ARID3A: variants seen among roughly 807,000 people sequenced by gnomAD.
The protein encoded by ARID3A is AT-rich interaction domain 3A, also known as AT-rich interactive domain-containing protein 3A.
Under a neutral mutation model 52.7 loss-of-function variants are expected in ARID3A, and 11 were observed. The observed-to-expected ratio is 0.21, with a 90% confidence interval of 0.13 to 0.35. The LOEUF is 0.35. Among genes scored for constraint, ARID3A ranks in the 10% least tolerant of loss-of-function variants. The probability of loss-of-function intolerance (pLI) is 1.00; values close to 1 mark genes in which losing one functional copy is unlikely to be tolerated. For missense variants in ARID3A, 721 were observed against 838.5 expected (o/e 0.86, Z 1.73); for synonymous variants, 404 against 359.4 (o/e 1.12, Z -1.40).
At chr19:932,348 A>C (rs2037349012) in intron 2 of ARID3A, 70 bp from the exon 3 acceptor site, 3 of 1,559,910 alleles carry the variant, frequency 1.9e-6, no homozygotes, top group African/African-American at 2.9e-5. Context: ...CTGGGCGGGG[A>C]GTGGGTCTTT....
intron 3 of ARID3A, among the ~76,000 whole-genome samples, chr19:953,914 A>C (rs1018823054): frequency 1.3e-5 from 2 of 152,206 alleles, no homozygotes; most frequent in Non-Finnish European, 2.9e-5. Flanking sequence ...TCTCTATAGA[A>C]ATACAAAAAT....
In ARID3A at chr19:942,452, C is replaced by CG. The variant is rs2037576794; in HGVS notation, c.693+9716dup. 6.6e-6 allele frequency among the ~76,000 whole-genome samples: 1 copy of CG among 152,104 alleles called. No individual in the cohort carries two copies. Among genetic ancestry groups the CG allele is most frequent in the Non-Finnish European group, 1.5e-5 (1 of 67,996 alleles). Reference sequence around the variant, plus strand: ...CGGTGCCGACCTGGTGGGTGGCACACGGGGGGCGGGTGCGGACCGCCTCTT... The same window carrying CG: ...CGGTGCCGACCTGGTGGGTGGCACACGGGGGGGCGGGTGCGGACCGCCTCTT... On this transcript the variant is annotated intron_variant, in intron 3 of 8. Transcript: ENST00000263620. This position sits in a 1 kb window ranked among gnomAD's most constrained non-coding sequence, Gnocchi z 8.1.
chr19:962,984 C>T (rs901987321), intron 4 of ARID3A, among the ~76,000 whole-genome samples: 12 of 152,170 alleles, frequency 7.9e-5, no homozygotes, highest in Admixed American at 6.5e-4. Context: ...GTCTGAGGCC[C>T]GTCTTCCTCC....
At chr19:948,040 C>T (rs1310376545) in intron 3 of ARID3A, among the ~76,000 whole-genome samples, 1 of 152,156 alleles carries the variant, frequency 6.6e-6, no homozygotes, top group African/African-American at 2.4e-5. Context: ...TGAGGTCACA[C>T]AGCAGACGCT....
At position 966,918 on chromosome 19, in the gene ARID3A, G is replaced by A. The variant is rs773749032; in HGVS notation, c.1495+50G>A. On this transcript the variant is annotated intron_variant, in intron 7 of 8. Transcript: ENST00000263620. ...CTGTGCTTCCTGCGTGTGTCACACA[G>A]TGAGGGCCTTGGAGCCTACATATGT... 11 of 1,545,502 alleles carry A rather than the reference G, an allele frequency of 7.1e-6. No homozygotes were observed. In the East Asian group the frequency reaches 1.1e-4, roughly 16 times the overall value.
At chr19:930,927 C>T (rs2037314514) in intron 2 of ARID3A, among the ~76,000 whole-genome samples, 1 of 152,312 alleles carries the variant, frequency 6.6e-6, no homozygotes, top group South Asian at 2.1e-4. Context: ...GTGGGTCCCC[C>T]CAGGGCTGGC....
intron 3 of ARID3A, among the ~76,000 whole-genome samples, chr19:954,855 G>T (rs919939101): frequency 7.2e-5 from 11 of 152,134 alleles, no homozygotes; most frequent in South Asian, 2.1e-4. Flanking sequence ...CAGCGGAGGG[G>T]CACCTTCAGA....
intron 3 of ARID3A, among the ~76,000 whole-genome samples, chr19:954,709 C>CG (rs1035513003): frequency 6.6e-6 from 1 of 151,660 alleles, no homozygotes; most frequent in South Asian, 2.1e-4. Context: ...CCTGGGAGGA[C>CG]GGGGGGCTCC....
At chr19:949,651 T>C (rs970340509) in intron 3 of ARID3A, among the ~76,000 whole-genome samples, 3 of 149,406 alleles carry the variant, frequency 2.0e-5, no homozygotes, top group Non-Finnish European at 4.4e-5. Context: ...TTCCCGCCAC[T>C]GTGCCCCACA....
At position 959,065 on chromosome 19, in the gene ARID3A, C is replaced by A. The variant is rs866242282; in HGVS notation, c.694-1027C>A. 6.6e-6 allele frequency among the ~76,000 whole-genome samples: 1 copy of A among 152,164 alleles called. No individual in the cohort carries two copies. Among genetic ancestry groups the A allele is most frequent in the South Asian group, 2.1e-4 (1 of 4,830 alleles). On this transcript the variant is annotated intron_variant, in intron 3 of 8. Transcript: ENST00000263620. This position sits in a 1 kb window ranked among gnomAD's most constrained non-coding sequence, Gnocchi z 5.0. ...GCCTGGGTGTGTGGGAGGCTCCACCCGTGAGGTGTGTGTGACTCACTGTTT... is the reference window on the plus strand; with the variant it reads ...GCCTGGGTGTGTGGGAGGCTCCACCAGTGAGGTGTGTGTGACTCACTGTTT...
At chr19:957,453 A>C (rs982364721) in intron 3 of ARID3A, among the ~76,000 whole-genome samples, 2 of 152,094 alleles carry the variant, frequency 1.3e-5, no homozygotes, top group African/African-American at 4.8e-5. Flanking sequence ...CTCCCGTCCG[A>C]CCCTCAGGAC....
At position 971,999 on chromosome 19, in the gene ARID3A, C is replaced by T. The variant is rs376644679; in HGVS notation, c.1716C>T (p.Gly572=). Residue 572 remains glycine, a synonymous_variant, in exon 9 of 9, where the codon GGC becomes GGT. Coordinates refer to ENST00000263620, the MANE Select transcript of ARID3A (RefSeq NM_005224.3). ...GGRGGNTGTS[G]GQAGPAGLST... is the part of the protein sequence containing the mutation. ...GGGGAGGAAACACCGGAACCAGCGG[C>T]GGCCAGGCTGGGCCAGCGGGGCTGT... 19 of 1,601,296 alleles carry T rather than the reference C, an allele frequency of 1.2e-5. No homozygotes were observed. The highest frequency in any genetic ancestry group is 5.4e-5 in the African/African-American group (4 of 73,682).
chr19:964,150 G>A lies in ARID3A; in HGVS notation c.767-98G>A. The stretch of plus-strand genomic sequence containing the variant: ...CATCTGTGGTTGTCACAGCCTGGGC[G>A]GGGGAGTGCTCCTGGCATGGAGAGG... On this transcript the variant is annotated intron_variant, in intron 4 of 8. Coordinates refer to ENST00000263620, the MANE Select transcript of ARID3A (RefSeq NM_005224.3). This position sits in a 1 kb window ranked among gnomAD's most constrained non-coding sequence, Gnocchi z 5.7. 18 of 977,272 alleles carry A rather than the reference G, an allele frequency of 1.8e-5. No individual in the cohort carries two copies. Among genetic ancestry groups the A allele is most frequent in the Admixed American group, 9.3e-5 (4 of 43,096 alleles). The allele number at this position is 977,272 out of a possible 1,614,324, so 60.5% of individuals were successfully genotyped here.
At position 959,674 on chromosome 19, in the gene ARID3A, A is replaced by G. The variant is rs2037998373; in HGVS notation, c.694-418A>G. Among the ~76,000 whole-genome samples, 1 of 152,092 alleles carries G rather than the reference A, an allele frequency of 6.6e-6. No individual in the cohort carries two copies. Among genetic ancestry groups the G allele is most frequent in the Non-Finnish European group, 1.5e-5 (1 of 68,022 alleles). On this transcript the variant is annotated intron_variant, in intron 3 of 8. Coordinates refer to ENST00000263620, the MANE Select transcript of ARID3A (RefSeq NM_005224.3). The surrounding 1 kb of genome is among the most constrained non-coding windows in gnomAD (Gnocchi z 5.0). ...TAAGGGAGTTAAGGATCGATTTGAG[A>G]TGAGGTGGCCCTAAAACCAGCAGGC...
Position 972,220 on chromosome 19 carries a change from AAG to A in ARID3A, c.*157_*158del. 2 of 303,718 alleles carry A rather than the reference AAG, an allele frequency of 6.6e-6. No homozygotes were observed. 18.8% of individuals were successfully genotyped at this position (303,718 alleles called of 1,614,324 possible). A position where few individuals can be genotyped will look rare whatever the true frequency, so the allele number is the denominator to read the frequency against. On this transcript the variant is annotated 3_prime_UTR_variant, in exon 9 of 9. Coordinates refer to ENST00000263620, the MANE Select transcript of ARID3A (RefSeq NM_005224.3). ...AGCTGACGCCAAAAAGAAAAGAAAA[AAG>A]ATATATATATATATATATATATATA...
At chr19:958,550 G>A (rs141980002) in intron 3 of ARID3A, among the ~76,000 whole-genome samples, 2 of 152,144 alleles carry the variant, frequency 1.3e-5, no homozygotes, top group African/African-American at 2.4e-5. Flanking sequence ...ATACAATCAC[G>A]TGTTGACACT....
chr19:954,079 C>T (rs891801390), intron 3 of ARID3A, among the ~76,000 whole-genome samples: 7 of 151,302 alleles, frequency 4.6e-5, no homozygotes, highest in African/African-American at 1.2e-4. Flanking sequence ...AAGGCCGGGG[C>T]GGAGGGAGCA....
intron 3 of ARID3A, among the ~76,000 whole-genome samples, chr19:943,216 G>A (rs550305434): frequency 8.0e-4 from 120 of 150,910 alleles, no homozygotes; most frequent in African/African-American, 2.9e-3. Flanking sequence ...AGCTATAGTG[G>A]CACGACTGCA....
chr19:934,326 A>G (rs917123358), intron 3 of ARID3A, among the ~76,000 whole-genome samples: 22 of 151,660 alleles, frequency 1.5e-4, no homozygotes, highest in African/African-American at 4.8e-4. Flanking sequence ...CCGATGGGGG[A>G]GTTTTGGGGT....
Sources: allele counts gnomAD v4.1 joint callset (sites outside exome capture counted in the v4.1 genomes callset), GRCh38; gene constraint gnomAD v4.1.1; non-coding constraint Gnocchi (gnomAD v3.1); transcripts MANE v1.5; gene names NCBI Gene and HGNC (gene_info 2026-07-23, HGNC 2026-07-21).